Variants in BARX2 observed in about 807,000 individuals in gnomAD.
BARX2 encodes BARX homeobox 2, also known as homeobox protein BarH-like 2.
Under a neutral mutation model 25.5 loss-of-function variants are expected in BARX2, and 11 were observed. That is an observed-to-expected ratio of 0.43 (90% CI 0.27 to 0.71). The LOEUF (loss-of-function observed/expected upper bound fraction) is 0.71, where lower values mean the gene tolerates loss of function less well. BARX2 is among the 30% of genes least tolerant of loss of function. The pLI is 0.19. For missense variants in BARX2, 360 were observed against 359.9 expected, an observed-to-expected ratio of 1.00 and a Z score of 0.00; for synonymous variants, 137 against 149.5, an observed-to-expected ratio of 0.92 and a Z score of 0.61.
chr11:129,386,845 G>A (rs985905785), intron 1 of BARX2, among the ~76,000 whole-genome samples: 2 of 152,232 alleles, frequency 1.3e-5, no homozygotes, highest in Non-Finnish European at 2.9e-5. Flanking sequence ...TCAAGAGTTT[G>A]CCAAAGCATT....
At position 129,451,157 on chromosome 11, in the gene BARX2, G is replaced by A. The variant is rs753842629; in HGVS notation, c.595G>A (p.Ala199Thr). Residue 199 changes from alanine (A) to threonine (T), a missense_variant, in exon 4 of 4, where the codon GCA becomes ACA. By Grantham distance (58) the Ala-to-Thr change is moderately conservative (BLOSUM62 0). Transcript: ENST00000281437. ...KKMVLKGGQE[A>T]PTKPKGRPKK... ...GTAGGTTCTTAAAGGTGGACAGGAA[G>A]CACCCACAAAACCCAAAGGTCGCCC... 20 of 1,613,822 alleles carry A rather than the reference G, an allele frequency of 1.2e-5. 2 individuals carry two copies. The South Asian group carries it at 2.2e-4, about 18-fold the overall frequency.
intron 1 of BARX2, among the ~76,000 whole-genome samples, chr11:129,410,512 C>T (rs777529588): frequency 5.3e-5 from 8 of 152,112 alleles, no homozygotes; most frequent in African/African-American, 9.7e-5. Context: ...TGACTTGGGC[C>T]GTCTCTTTAT....
intron 3 of BARX2, among the ~76,000 whole-genome samples, chr11:129,444,098 CCA>C (rs1188581132): frequency 6.7e-6 from 1 of 150,118 alleles, no homozygotes; most frequent in Non-Finnish European, 1.5e-5. Flanking sequence ...TCTGCCAACC[CCA>C]GTTTTCAGGA....
intron 1 of BARX2, among the ~76,000 whole-genome samples, chr11:129,382,715 C>T (rs890883780): frequency 2.6e-5 from 4 of 152,178 alleles, no homozygotes; most frequent in African/African-American, 9.6e-5. Flanking sequence ...TTCTGTTTTA[C>T]ACTCCAGTCT....
At chr11:129,394,361 C>G (rs1022294275) in intron 1 of BARX2, among the ~76,000 whole-genome samples, 2 of 152,106 alleles carry the variant, frequency 1.3e-5, no homozygotes, top group South Asian at 4.1e-4. Context: ...AACTAATGAT[C>G]AGGAGGACTC....
At position 129,451,437 on chromosome 11, in the gene BARX2, G is replaced by A. The variant is rs767808879; in HGVS notation, c.*35G>A. 5 of 1,595,292 alleles carry A rather than the reference G, an allele frequency of 3.1e-6. No homozygotes were observed. Among genetic ancestry groups the A allele is most frequent in the Non-Finnish European group, 4.3e-6 (5 of 1,167,520 alleles). The stretch of plus-strand genomic sequence containing the variant: ...CTTTTGAGGGAAGAGGGAGACTGGG[G>A]AGAAGGGAAAAGAGAGAAGGCAGGG... On this transcript the variant is annotated 3_prime_UTR_variant, in exon 4 of 4. Coordinates refer to ENST00000281437, the MANE Select transcript of BARX2 (RefSeq NM_003658.5).
chr11:129,433,074 C>G (rs1156730998), intron 1 of BARX2, among the ~76,000 whole-genome samples: 1 of 152,188 alleles, frequency 6.6e-6, no homozygotes, highest in Admixed American at 6.5e-5. Context: ...ATCTGACTGA[C>G]TCCTCAACAT....
intron 1 of BARX2, among the ~76,000 whole-genome samples, chr11:129,385,453 A>G (rs1434437784): frequency 6.6e-6 from 1 of 152,246 alleles, no homozygotes; most frequent in African/African-American, 2.4e-5. Context: ...ATGAAATTCT[A>G]TGCAGCAATT....
intron 1 of BARX2, among the ~76,000 whole-genome samples, chr11:129,410,347 T>A (rs1210841930): frequency 6.6e-6 from 1 of 152,254 alleles, no homozygotes; most frequent in Admixed American, 6.5e-5. Flanking sequence ...CTGGATACAG[T>A]ATTTTTTCTC....
chr11:129,377,173 C>A (rs1861512875), intron 1 of BARX2, among the ~76,000 whole-genome samples: 1 of 152,060 alleles, frequency 6.6e-6, no homozygotes, highest in Non-Finnish European at 1.5e-5. Context: ...ACCAAAAGAA[C>A]CTTTGAGATT....
intron 1 of BARX2, among the ~76,000 whole-genome samples, chr11:129,417,477 G>T (rs2135401519): frequency 6.6e-6 from 1 of 152,352 alleles, no homozygotes; most frequent in Non-Finnish European, 1.5e-5. Flanking sequence ...CTAGAAGAGA[G>T]CTGGGGCCCA....
chr11:129,413,329 T>C (rs1861909137), intron 1 of BARX2, among the ~76,000 whole-genome samples: 2 of 152,200 alleles, frequency 1.3e-5, no homozygotes, highest in South Asian at 2.1e-4. Context: ...AGCAGAGCTG[T>C]ATGGCTCTTG....
chr11:129,423,506 A>G (rs1862030656), intron 1 of BARX2, among the ~76,000 whole-genome samples: 1 of 152,174 alleles, frequency 6.6e-6, no homozygotes, highest in Non-Finnish European at 1.5e-5. Flanking sequence ...GGTAATCTCC[A>G]GTGGCTTTTT....
chr11:129,427,812 C>A (rs1292047180), intron 1 of BARX2, among the ~76,000 whole-genome samples: 1 of 152,176 alleles, frequency 6.6e-6, no homozygotes, highest in Non-Finnish European at 1.5e-5. Context: ...GAACCAGCAA[C>A]CCTGGAGTGG....
At chr11:129,440,770 C>T (rs1862246452) in intron 2 of BARX2, among the ~76,000 whole-genome samples, 1 of 152,134 alleles carries the variant, frequency 6.6e-6, no homozygotes, top group African/African-American at 2.4e-5. Context: ...CCCTGTGGGC[C>T]TCCCTGATAG....
chr11:129,410,869 T>C (rs1369176760), intron 1 of BARX2, among the ~76,000 whole-genome samples: 1 of 152,206 alleles, frequency 6.6e-6, no homozygotes, highest in Non-Finnish European at 1.5e-5. Flanking sequence ...CTCTGCCTGG[T>C]CCAGACCCTC....
intron 3 of BARX2, among the ~76,000 whole-genome samples, chr11:129,443,637 C>T (rs900147314): frequency 6.6e-6 from 1 of 152,184 alleles, no homozygotes; most frequent in Non-Finnish European, 1.5e-5. Flanking sequence ...TCATCCTGCT[C>T]TAGTGCCTAG....
At chr11:129,450,036 G>C (rs1421910435) in intron 3 of BARX2, among the ~76,000 whole-genome samples, 3 of 152,074 alleles carry the variant, frequency 2.0e-5, no homozygotes, top group African/African-American at 4.8e-5. Context: ...TTATCTGTTG[G>C]TCACCCTCAC....
intron 2 of BARX2, among the ~76,000 whole-genome samples, chr11:129,442,230 G>A (rs1262173737): frequency 5.9e-5 from 9 of 152,150 alleles, no homozygotes; most frequent in African/African-American, 2.2e-4. Flanking sequence ...CACTTTCATG[G>A]GTAGAAAAGA....
Sources: gnomAD v4.1 joint callset for allele counts (sites outside exome capture counted in the v4.1 genomes callset) on GRCh38, gnomAD v4.1.1 for gene constraint, MANE v1.5 for transcripts, NCBI Gene and HGNC (gene_info 2026-07-23, HGNC 2026-07-21) for gene names.